Variants in CC2D2B observed in about 807,000 individuals in gnomAD.
CC2D2B encodes protein CC2D2B.
In CC2D2B, 128 loss-of-function variants were observed where a neutral mutation model predicts 161.2. The observed-to-expected ratio is 0.79, with a 90% CI of 0.69 to 0.92. The LOEUF (loss-of-function observed/expected upper bound fraction) is 0.92. Ranked by LOEUF, CC2D2B falls within the 40% of genes least tolerant of loss-of-function variation. The probability of loss-of-function intolerance (pLI) is 0.00; values close to 1 mark genes in which losing one functional copy is unlikely to be tolerated. For missense variants in CC2D2B, 1,173 were observed against 1,375.1 expected, an observed-to-expected ratio of 0.85 and a Z score of 2.32; for synonymous variants, 391 against 449.8, an observed-to-expected ratio of 0.87 and a Z score of 1.65.
At position 95,968,725 on chromosome 10, in the gene CC2D2B, C is replaced by A; in HGVS notation, c.1468C>A (p.His490Asn). ...TTTAAAGGTTTGTTTAATTTTTAGG[C>A]ATGAACAAAAAAGAAGAGCCAAAAT... ...ELTSLSKCSLHEQKRRAKIQK... is the reference protein window; with the variant it reads ...ELTSLSKCSLNEQKRRAKIQK... The change falls in exon 15 of 35, where the codon CAT becomes AAT. Residue 490 changes from histidine (H) to asparagine (N), a missense_variant and splice_region_variant. Transcript: ENST00000646931. The A allele has an allele frequency of 8.5e-7, 1 of 1,179,356 alleles. No homozygotes were observed. Among genetic ancestry groups the A allele is most frequent in the Non-Finnish European group, 1.1e-6 (1 of 940,300 alleles). 73.1% of individuals were successfully genotyped at this position (1,179,356 alleles called of 1,614,324 possible).
At chr10:95,961,033 T>C (rs1164991892) in intron 11 of CC2D2B, among the ~76,000 whole-genome samples, 9 of 152,186 alleles carry the variant, frequency 5.9e-5, no homozygotes, top group Non-Finnish European at 1.2e-4. Context: ...GGGAGCATCA[T>C]ACTGCACCAA....
intron 17 of CC2D2B, among the ~76,000 whole-genome samples, chr10:95,976,895 T>G (rs1022642729): frequency 6.6e-6 from 1 of 152,170 alleles, no homozygotes. Context: ...ATTACAGGCA[T>G]GCGCTACCAA....
At chr10:96,006,817 C>T (rs1014699327) in intron 25 of CC2D2B, among the ~76,000 whole-genome samples, 1 of 152,142 alleles carries the variant, frequency 6.6e-6, no homozygotes, top group Non-Finnish European at 1.5e-5. Flanking sequence ...GTGCCTGGCC[C>T]TGCTTCAACT....
At chr10:95,918,410 C>T (rs1475183027) in intron 2 of CC2D2B, among the ~76,000 whole-genome samples, 1 of 152,152 alleles carries the variant, frequency 6.6e-6, no homozygotes. Flanking sequence ...AAAATTTTTT[C>T]CTTCAGCACG....
At chr10:96,024,478 T>C (rs1309509318) in intron 32 of CC2D2B, among the ~76,000 whole-genome samples, 5 of 152,174 alleles carry the variant, frequency 3.3e-5, no homozygotes, top group East Asian at 1.9e-4. Flanking sequence ...TTATTATCCC[T>C]ATGTTAAAAA....
chr10:95,920,441 TG>T (rs2098524650), intron 2 of CC2D2B: 1 of 151,964 alleles, frequency 6.6e-6, no homozygotes, highest in Non-Finnish European at 1.5e-5. Context: ...GAGAACAGCA[TG>T]GGGGAAACCA....
rs543753974 is a variant in CC2D2B, at chr10:96,024,846, A to G, written c.3889-7A>G. 113 of 1,478,100 alleles carry G rather than the reference A, an allele frequency of 7.6e-5. No homozygotes were observed. The highest frequency in any genetic ancestry group is 9.8e-5 in the Non-Finnish European group (106 of 1,082,926). The allele number at this position is 1,478,100 out of a possible 1,614,324, so 91.6% of individuals were successfully genotyped here. Reference sequence around the variant, plus strand: ...GAATCTATTCTAACTTTGGTTGTCTATTTCAGCCTGAAGAAATAATTTATT... The same window carrying G: ...GAATCTATTCTAACTTTGGTTGTCTGTTTCAGCCTGAAGAAATAATTTATT... On this transcript the variant is annotated splice_region_variant and splice_polypyrimidine_tract_variant and intron_variant, in intron 32 of 34. Coordinates refer to ENST00000646931, the MANE Select transcript of CC2D2B (RefSeq NM_001349008.3).
At chr10:95,939,286 G>A (rs1318241434) in intron 9 of CC2D2B, among the ~76,000 whole-genome samples, 3 of 152,102 alleles carry the variant, frequency 2.0e-5, no homozygotes, top group African/African-American at 7.2e-5. Context: ...TGGAATAATA[G>A]AATAGGTACT....
chr10:96,029,289 T>C (rs2079952516), intron 34 of CC2D2B, among the ~76,000 whole-genome samples: 1 of 80,384 alleles, frequency 1.2e-5, no homozygotes, highest in Non-Finnish European at 2.4e-5. Flanking sequence ...TATATATGTA[T>C]ATATATATAT....
intron 25 of CC2D2B, 46 bp downstream of exon 25, chr10:96,004,294 G>A: frequency 9.8e-7 from 1 of 1,018,966 alleles, no homozygotes; most frequent in Non-Finnish European, 1.4e-6. Flanking sequence ...TAATTCTAAG[G>A]TCAAACTGAA....
chr10:95,991,205 T>A (rs922020989), intron 20 of CC2D2B, among the ~76,000 whole-genome samples, 165 bp from the exon 21 acceptor site: 5 of 152,252 alleles, frequency 3.3e-5, no homozygotes, highest in African/African-American at 1.2e-4. Flanking sequence ...GAAATTACTT[T>A]AATAATGGCA....
In CC2D2B at chr10:96,032,076, C is replaced by A; in HGVS notation, c.*68C>A. The A allele has an allele frequency of 8.0e-7, 1 of 1,242,328 alleles. No homozygotes were observed. The highest frequency in any genetic ancestry group is 1.1e-6 in the Non-Finnish European group (1 of 892,896). 77.0% of individuals were successfully genotyped at this position (1,242,328 alleles called of 1,614,324 possible). On this transcript the variant is annotated 3_prime_UTR_variant, in exon 35 of 35. Coordinates refer to ENST00000646931, the MANE Select transcript of CC2D2B (RefSeq NM_001349008.3). The stretch of plus-strand genomic sequence containing the variant: ...AGTACCAACAAAAACTTTTCTGGTA[C>A]CTTGAGATTTTGCTGTTTATTCTCA...
intron 9 of CC2D2B, among the ~76,000 whole-genome samples, chr10:95,943,304 C>G (rs1186043851): frequency 6.6e-6 from 1 of 152,194 alleles, no homozygotes; most frequent in African/African-American, 2.4e-5. Flanking sequence ...CTGCTATCTC[C>G]CACACAATCG....
At chr10:95,958,206 A>G (rs1185629663) in intron 11 of CC2D2B, among the ~76,000 whole-genome samples, 1 of 152,120 alleles carries the variant, frequency 6.6e-6, no homozygotes, top group African/African-American at 2.4e-5. Flanking sequence ...CATAAACAAA[A>G]TAGGCCGGGC....
intron 2 of CC2D2B, among the ~76,000 whole-genome samples, chr10:95,916,989 T>C (rs73317145): frequency 0.033 from 5,012 of 152,262 alleles, 124 homozygotes; most frequent in South Asian, 0.082. Flanking sequence ...AAGTGGGCTG[T>C]TGAAGTCTCC....
chr10:95,955,796 G>T (rs1282932492), intron 11 of CC2D2B, among the ~76,000 whole-genome samples: 5 of 152,114 alleles, frequency 3.3e-5, no homozygotes, highest in Non-Finnish European at 7.4e-5. Flanking sequence ...ATATATTTGA[G>T]AATTAGTGCA....
chr10:95,994,492 G>A (rs2078151488), intron 22 of CC2D2B, among the ~76,000 whole-genome samples: 1 of 152,224 alleles, frequency 6.6e-6, no homozygotes, highest in African/African-American at 2.4e-5. Context: ...TAGGCCTCCG[G>A]ATGACTGCAG....
chr10:96,013,729 G>A, intron 28 of CC2D2B, 59 bp from the exon 29 acceptor site: 1 of 975,876 alleles, frequency 1.0e-6, no homozygotes, highest in Non-Finnish European at 1.6e-6. Context: ...TGCATGTAAA[G>A]CATTGTGCTA....
chr10:95,925,477 A>T (rs1182349086), intron 5 of CC2D2B, among the ~76,000 whole-genome samples: 1 of 152,244 alleles, frequency 6.6e-6, no homozygotes, highest in African/African-American at 2.4e-5. Context: ...GGTGATATCC[A>T]ACTTACAGAT....
Sources: gnomAD v4.1 joint callset for allele counts (sites outside exome capture counted in the v4.1 genomes callset) on GRCh38, gnomAD v4.1.1 for gene constraint, MANE v1.5 for transcripts, NCBI Gene and HGNC (gene_info 2026-07-23, HGNC 2026-07-21) for gene names.